Variants in POLR1C observed in about 807,000 individuals in gnomAD.
POLR1C encodes RNA polymerase I and III subunit C.
Under a neutral mutation model 38.3 loss-of-function variants are expected in POLR1C, and 42 were observed. The observed-to-expected ratio is 1.10, with a 90% CI of 0.86 to 1.42. POLR1C has a LOEUF of 1.42. POLR1C is among the 40% of genes most tolerant of loss of function. The pLI, the probability that POLR1C is intolerant of heterozygous loss-of-function variation, is 0.00. For missense variants in POLR1C, 507 were observed against 450.5 expected, an observed-to-expected ratio of 1.13 and a Z score of -1.14; for synonymous variants, 163 against 163.9, an observed-to-expected ratio of 0.99 and a Z score of 0.04.
chr6:43,545,249 T>C (rs1794906250), intron 9 of POLR1C, among the ~76,000 whole-genome samples: 1 of 152,166 alleles, frequency 6.6e-6, no homozygotes, highest in South Asian at 2.1e-4. Flanking sequence ...TTTGTCAACA[T>C]TAACTTAAAA....
chr6:43,549,600 A>G (rs773778706), intron 9 of POLR1C: 2 of 1,608,278 alleles, frequency 1.2e-6, no homozygotes, highest in Non-Finnish European at 1.7e-6. Flanking sequence ...CATTCAACAA[A>G]CTCGGAGCTG....
At chr6:43,540,479 A>AAAAT (rs1000196583) in intron 9 of POLR1C, among the ~76,000 whole-genome samples, 23 of 151,800 alleles carry the variant, frequency 1.5e-4, no homozygotes, top group Middle Eastern at 3.4e-3. Context: ...ACTCCGTCTC[A>AAAAT]AAATAAATAA....
rs1434630611 is a variant in POLR1C at position 43,546,815 on chromosome 6, G to C, written c.*5-4153G>C. The C allele has an allele frequency of 2.8e-6, 4 of 1,421,834 alleles. No individual in the cohort carries two copies. The African/African-American group carries it at 4.4e-5, about 16-fold the overall frequency. The allele number at this position is 1,421,834 out of a possible 1,614,324, so 88.1% of individuals were successfully genotyped here. On this transcript the variant is annotated intron_variant, in intron 9 of 10. Coordinates refer to the POLR1C transcript ENST00000607635. ...GAAAAAAAAAAAAAGACCAAATACT[G>C]TTAGATATATTCAAGGTTCTGGCAA...
At chr6:43,524,978 C>A, downstream of POLR1C, 1 of 1,612,258 alleles carries the variant, frequency 6.2e-7, no homozygotes, top group Non-Finnish European at 8.5e-7. Context: ...CCTGGGGAGA[C>A]AACTGTGCTT....
At chr6:43,536,662 A>C (rs1186203783) in intron 9 of POLR1C, among the ~76,000 whole-genome samples, 1 of 140,604 alleles carries the variant, frequency 7.1e-6, no homozygotes. Flanking sequence ...CAGGAGGCTG[A>C]GGTAGGAGAA....
downstream of POLR1C, chr6:43,525,258 A>G (rs1215068489): frequency 6.5e-7 from 1 of 1,527,444 alleles, no homozygotes; most frequent in Non-Finnish European, 8.9e-7. Flanking sequence ...AAAGAAGCAC[A>G]GTTTTCTCTG....
intron 8 of POLR1C, chr6:43,527,462 C>A (rs997735975): frequency 1.5e-5 from 9 of 606,452 alleles, no homozygotes; most frequent in African/African-American, 1.1e-4. Context: ...TTAGTAGAGA[C>A]AGGGTTTCAC....
chr6:43,520,096 T>C lies in POLR1C; in HGVS notation c.413T>C (p.Leu138Pro). 1 of 1,614,250 alleles carries C rather than the reference T, an allele frequency of 6.2e-7. No homozygotes were observed. The highest frequency in any genetic ancestry group is 1.1e-5 in the South Asian group (1 of 91,088). The change falls in exon 5 of 9, where the codon CTA (leucine) becomes CCA (proline). Residue 138 changes from leucine to proline, a missense_variant. Physicochemically the swap from Leu to Pro is moderately conservative, Grantham distance 98. Transcript: ENST00000642195. ...GAAGAAGGCACAGAGATAGATACTC[T>C]ACAGTTTCGTCTCCAGGTCAGATGC... Reference protein sequence around the residue: ...GDEEGTEIDTLQFRLQVRCTR... With the variant: ...GDEEGTEIDTPQFRLQVRCTR...
At chr6:43,551,413 A>G in intron 10 of POLR1C, 3 of 1,614,008 alleles carry the variant, frequency 1.9e-6, no homozygotes, top group Non-Finnish European at 2.5e-6. Flanking sequence ...AAAGTTCAGA[A>G]CCATCTGCAA....
chr6:43,534,057 A>G (rs1258117563), downstream of POLR1C: 16 of 1,452,134 alleles, frequency 1.1e-5, no homozygotes, highest in Non-Finnish European at 1.5e-5. Flanking sequence ...TGCAGAAGGA[A>G]AGAGTGGGTT....
downstream of POLR1C, chr6:43,525,841 C>G: frequency 6.2e-7 from 1 of 1,614,032 alleles, no homozygotes; most frequent in South Asian, 1.1e-5. Flanking sequence ...CTACCCACCT[C>G]ATGCTTCATC....
chr6:43,539,319 C>T (rs919533148), intron 9 of POLR1C: 2 of 1,570,002 alleles, frequency 1.3e-6, no homozygotes, highest in African/African-American at 2.7e-5. Context: ...TCCCCGATAG[C>T]AACAAACGCC....
At chr6:43,560,250 G>T (rs1190859232) in intron 10 of POLR1C, 2 of 1,612,240 alleles carry the variant, frequency 1.2e-6, no homozygotes, top group South Asian at 1.1e-5. Flanking sequence ...CACGGGACAG[G>T]ATTTCATGCC....
At chr6:43,517,273 C>T (rs767316061) in intron 1 of POLR1C, 33 bp from the exon 2 acceptor site, 3 of 1,609,880 alleles carry the variant, frequency 1.9e-6, no homozygotes, top group South Asian at 2.2e-5. Context: ...GGCTCACTGT[C>T]CCTTCGTGGA....
chr6:43,530,671 G>C (rs142814585), downstream of POLR1C: 1 of 1,610,572 alleles, frequency 6.2e-7, no homozygotes, highest in South Asian at 1.1e-5. Context: ...GTTATGTAGA[G>C]ACTTTTGAAA....
At chr6:43,543,274 G>C (rs1182433007) in intron 9 of POLR1C, among the ~76,000 whole-genome samples, 2 of 152,018 alleles carry the variant, frequency 1.3e-5, no homozygotes, top group Non-Finnish European at 2.9e-5. Flanking sequence ...GCAACATAGA[G>C]AGAACCTATC....
intron 6 of POLR1C, 89 bp from the exon 7 acceptor site, chr6:43,520,536 G>A (rs1793102755): frequency 6.2e-7 from 1 of 1,601,574 alleles, no homozygotes; most frequent in Non-Finnish European, 8.6e-7. Context: ...AGCCAAGAGG[G>A]TTGTGCTTTT....
intron 9 of POLR1C, among the ~76,000 whole-genome samples, chr6:43,538,631 T>C (rs1236958553): frequency 6.6e-6 from 1 of 152,236 alleles, no homozygotes; most frequent in Admixed American, 6.5e-5. Context: ...TAGCTCCATA[T>C]TGCTTTTGAT....
intron 9 of POLR1C, chr6:43,549,415 A>T: frequency 7.1e-7 from 1 of 1,409,680 alleles, no homozygotes; most frequent in Non-Finnish European, 9.6e-7. Flanking sequence ...TCTTTATGTG[A>T]GGTACACTGA....
Sources: gnomAD v4.1 joint callset for allele counts (sites outside exome capture counted in the v4.1 genomes callset) on GRCh38, gnomAD v4.1.1 for gene constraint, MANE v1.5 for transcripts, NCBI Gene and HGNC (gene_info 2026-07-23, HGNC 2026-07-21) for gene names.